The following SPMAP2L variants were observed in gnomAD, a reference collection of about 807,000 sequenced individuals.
The protein encoded by SPMAP2L is sperm microtubule associated protein 2 like.
At chr4:56,619,066 A>T in the SPMAP2L span, among the ~76,000 whole-genome samples, 842 of 152,278 alleles carry the variant, frequency 5.5e-3, 2 homozygotes, top group Non-Finnish European at 8.6e-3. Flanking sequence ...CCTTTTCCCT[A>T]ATTAGGACAC....
the SPMAP2L span, among the ~76,000 whole-genome samples, chr4:56,607,467 C>T: frequency 1.3e-5 from 2 of 152,166 alleles, no homozygotes; most frequent in African/African-American, 4.8e-5. Flanking sequence ...AAAATTAGTA[C>T]CAGGAGTGGA....
At chr4:56,579,483 A>G in the SPMAP2L span, among the ~76,000 whole-genome samples, 1 of 151,948 alleles carries the variant, frequency 6.6e-6, no homozygotes, top group Non-Finnish European at 1.5e-5. Context: ...TATTAAAAAA[A>G]AAAGGGCAGG....
At chr4:56,566,695 CTTTT>C in the SPMAP2L span, among the ~76,000 whole-genome samples, 17,082 of 92,178 alleles carry the variant, frequency 0.19, 1,268 homozygotes, top group East Asian at 0.4. Context: ...TTTTCTTTTT[CTTTT>C]TTTTTTTTTT....
the SPMAP2L span, among the ~76,000 whole-genome samples, chr4:56,564,602 G>A: frequency 2.0e-5 from 3 of 152,100 alleles, no homozygotes; most frequent in Admixed American, 2.0e-4. Context: ...ATTCTGGCTA[G>A]AGATCTATCA....
At chr4:56,620,681 G>A in the SPMAP2L span, among the ~76,000 whole-genome samples, 3 of 152,330 alleles carry the variant, frequency 2.0e-5, no homozygotes, top group Middle Eastern at 3.4e-3. Flanking sequence ...CACCGCGCCC[G>A]ACATCCTTCT....
chr4:56,603,342 G>A, the SPMAP2L span: 9 of 1,508,034 alleles, frequency 6.0e-6, no homozygotes, highest in Non-Finnish European at 8.0e-6. Context: ...AGCCACAACA[G>A]TCAGACCCTG....
the SPMAP2L span, among the ~76,000 whole-genome samples, chr4:56,533,037 T>C: frequency 6.6e-6 from 1 of 152,242 alleles, no homozygotes; most frequent in Non-Finnish European, 1.5e-5. Context: ...CACTATCTTA[T>C]GTCCTGCTGT....
At chr4:56,532,591 T>G in the SPMAP2L span, among the ~76,000 whole-genome samples, 2 of 152,162 alleles carry the variant, frequency 1.3e-5, no homozygotes, top group African/African-American at 2.4e-5. Flanking sequence ...ATCACCCCCA[T>G]TTCTCTGTTG....
At chr4:56,585,473 A>G in the SPMAP2L span, among the ~76,000 whole-genome samples, 1 of 152,100 alleles carries the variant, frequency 6.6e-6, no homozygotes, top group Non-Finnish European at 1.5e-5. Flanking sequence ...TGGCCTGAAT[A>G]GTTGGGACTA....
chr4:56,587,551 C>T, the SPMAP2L span, among the ~76,000 whole-genome samples: 3 of 151,548 alleles, frequency 2.0e-5, no homozygotes, highest in Admixed American at 2.0e-4. Flanking sequence ...TCCCACATAT[C>T]AGTGAAAACA....
chr4:56,570,077 A>G, the SPMAP2L span, among the ~76,000 whole-genome samples: 1 of 151,864 alleles, frequency 6.6e-6, no homozygotes, highest in Non-Finnish European at 1.5e-5. Context: ...CCTTTTTCTC[A>G]TTTTCTCCTC....
At chr4:56,610,606 C>G in the SPMAP2L span, among the ~76,000 whole-genome samples, 1 of 152,240 alleles carries the variant, frequency 6.6e-6, no homozygotes, top group Non-Finnish European at 1.5e-5. Context: ...ATAGCTGGGA[C>G]TTAATTAAAC....
chr4:56,586,395 C>G, the SPMAP2L span, among the ~76,000 whole-genome samples: 2 of 152,156 alleles, frequency 1.3e-5, no homozygotes, highest in Non-Finnish European at 2.9e-5. Flanking sequence ...TCTGGTCTCT[C>G]TTCCTTTTCT....
At chr4:56,602,655 A>T in the SPMAP2L span, among the ~76,000 whole-genome samples, 1 of 152,178 alleles carries the variant, frequency 6.6e-6, no homozygotes, top group African/African-American at 2.4e-5. Context: ...AGATCGCACC[A>T]CTGCACTCCA....
chr4:56,584,989 G>A, the SPMAP2L span, among the ~76,000 whole-genome samples: 8 of 152,126 alleles, frequency 5.3e-5, no homozygotes, highest in Non-Finnish European at 8.8e-5. Context: ...AGCCTCTATG[G>A]GTTCTTTAGG....
chr4:56,534,338 C>T, the SPMAP2L span, among the ~76,000 whole-genome samples: 1 of 152,192 alleles, frequency 6.6e-6, no homozygotes, highest in African/African-American at 2.4e-5. Flanking sequence ...CTTTACTTGA[C>T]TTCTGGGATG....
the SPMAP2L span, among the ~76,000 whole-genome samples, chr4:56,533,698 A>G: frequency 4.6e-5 from 7 of 152,106 alleles, no homozygotes; most frequent in East Asian, 9.7e-4. Flanking sequence ...CTGTAATCCC[A>G]GCACTTTGAG....
At chr4:56,579,527 T>A in the SPMAP2L span, among the ~76,000 whole-genome samples, 16 of 151,148 alleles carry the variant, frequency 1.1e-4, no homozygotes, top group African/African-American at 3.9e-4. Flanking sequence ...CCCAGCAATT[T>A]GGGAAGCTGA....
At chr4:56,575,900 T>C in the SPMAP2L span, among the ~76,000 whole-genome samples, 29 of 152,344 alleles carry the variant, frequency 1.9e-4, no homozygotes, top group Admixed American at 1.6e-3. Context: ...AAAGGAAATA[T>C]GCAACTAAAA....
Sources: allele counts gnomAD v4.1 joint callset (sites outside exome capture counted in the v4.1 genomes callset), GRCh38; gene constraint gnomAD v4.1.1; transcripts MANE v1.5; gene names NCBI Gene and HGNC (gene_info 2026-07-23, HGNC 2026-07-21).